Variants in ATP8A1 observed in about 807,000 individuals in gnomAD.
The protein encoded by ATP8A1 is phospholipid-transporting ATPase IA.
In ATP8A1, 90 loss-of-function variants were observed where a neutral mutation model predicts 177.7. That is an observed-to-expected ratio of 0.51 (90% CI 0.43 to 0.60). ATP8A1 has a LOEUF of 0.60. Ranked by LOEUF, ATP8A1 falls within the 20% of genes least tolerant of loss-of-function variation. The pLI is 0.00. For missense variants in ATP8A1, 1,072 were observed against 1,392.8 expected (o/e 0.77, Z 3.67); for synonymous variants, 493 against 485.9 (o/e 1.01, Z -0.19).
intron 4 of ATP8A1, among the ~76,000 whole-genome samples, chr4:42,622,624 GA>G (rs1168341079): frequency 1.3e-5 from 2 of 152,086 alleles, no homozygotes; most frequent in African/African-American, 2.4e-5. Context: ...CAGAATGGGG[GA>G]AAACACTTGC....
chr4:42,586,616 A>T, intron 8 of ATP8A1, 140 bp from the exon 9 acceptor site: 1 of 848,520 alleles, frequency 1.2e-6, no homozygotes, highest in South Asian at 1.9e-5. Flanking sequence ...TACTCTGTCA[A>T]ATCATAATTA....
chr4:42,522,241 C>T lies in ATP8A1; in HGVS notation c.1866G>A (p.Trp622Ter). Reference sequence around the variant, plus strand: ...TAGATGCTCGCTGATAGACTGCTCGCCACTCCTGAAAGTCGCTCTCTGAAA... The same window carrying T: ...TAGATGCTCGCTGATAGACTGCTCGTCACTCCTGAAAGTCGCTCTCTGAAA... ...AEISESDFQE[W>*]RAVYQRASTS... The change falls in exon 22 of 37, where the codon TGG becomes TGA. Residue 622 changes from tryptophan (W) to a stop codon, truncating the protein, a stop_gained. Coordinates refer to ENST00000381668, the MANE Select transcript of ATP8A1 (RefSeq NM_006095.2). LOFTEE classifies it high-confidence loss of function. 1 of 1,613,772 alleles carries T rather than the reference C, an allele frequency of 6.2e-7. No individual in the cohort carries two copies. Among genetic ancestry groups the T allele is most frequent in the Non-Finnish European group, 8.5e-7 (1 of 1,179,904 alleles).
At chr4:42,626,957 TGCTG>T (rs1446656424) in intron 2 of ATP8A1, 34 bp downstream of exon 2, 1 of 1,494,658 alleles carries the variant, frequency 6.7e-7, no homozygotes, top group African/African-American at 1.4e-5. Flanking sequence ...AGCTCTGCTC[TGCTG>T]GCTGGTCTCA....
intron 1 of ATP8A1, among the ~76,000 whole-genome samples, chr4:42,628,870 G>A (rs1254991300): frequency 6.6e-6 from 1 of 152,188 alleles, no homozygotes; most frequent in Non-Finnish European, 1.5e-5. Context: ...TTCTCAGGTT[G>A]TGTTGTATTT....
intron 29 of ATP8A1, among the ~76,000 whole-genome samples, chr4:42,454,650 A>G (rs1337618571): frequency 6.6e-6 from 1 of 152,158 alleles, no homozygotes; most frequent in Non-Finnish European, 1.5e-5. Context: ...AGTAAACTAT[A>G]TAGAAAATGA....
intron 5 of ATP8A1, among the ~76,000 whole-genome samples, chr4:42,606,769 T>C (rs1421601995): frequency 2.0e-5 from 3 of 152,214 alleles, no homozygotes; most frequent in African/African-American, 4.8e-5. Flanking sequence ...CAATGAAATA[T>C]ATTCACATGA....
intron 9 of ATP8A1, among the ~76,000 whole-genome samples, chr4:42,583,804 G>A (rs1389153862): frequency 6.6e-6 from 1 of 152,132 alleles, no homozygotes; most frequent in Non-Finnish European, 1.5e-5. Context: ...AATTCTCTTT[G>A]TACCTTGAAT....
rs1279886815 is a variant in ATP8A1 at position 42,462,158 on chromosome 4, A to G, written c.2619+2532T>C. ...CAATGCAATAGAAAAGAAAAATCTC[A>G]TTTTCTGAGGAGAAATGGAAGCAGG... On this transcript the variant is annotated intron_variant, in intron 27 of 36. Coordinates refer to ENST00000381668, the MANE Select transcript of ATP8A1 (RefSeq NM_006095.2). Among the ~76,000 whole-genome samples the G allele has an allele frequency of 4.6e-5, 7 of 152,204 alleles. No homozygotes were observed. In the East Asian group the frequency reaches 1.3e-3, roughly 29 times the overall value.
chr4:42,585,264 G>T (rs1404797268), intron 9 of ATP8A1, among the ~76,000 whole-genome samples: 1 of 151,802 alleles, frequency 6.6e-6, no homozygotes, highest in African/African-American at 2.4e-5. Flanking sequence ...TGTGCTATTT[G>T]TTTTCCCAAA....
intron 15 of ATP8A1, among the ~76,000 whole-genome samples, chr4:42,558,835 T>C (rs1218967621): frequency 1.3e-5 from 2 of 152,172 alleles, no homozygotes; most frequent in Non-Finnish European, 2.9e-5. Context: ...GAAAACATAA[T>C]ATATAAATCT....
chr4:42,635,780 C>CATAT (rs1317800276), intron 1 of ATP8A1, among the ~76,000 whole-genome samples: 922 of 43,290 alleles, frequency 0.021, 9 homozygotes, highest in East Asian at 0.057. Flanking sequence ...CACACACACA[C>CATAT]ACATATATAT....
chr4:42,456,333 A>G (rs1156309420), intron 27 of ATP8A1, among the ~76,000 whole-genome samples: 3 of 152,142 alleles, frequency 2.0e-5, no homozygotes, highest in Admixed American at 6.6e-5. Flanking sequence ...TTAAGGTGGA[A>G]TAGGTCAAAG....
intron 19 of ATP8A1, 88 bp from the exon 20 acceptor site, chr4:42,544,074 C>T (rs773196881): frequency 9.2e-5 from 101 of 1,097,498 alleles, no homozygotes; most frequent in African/African-American, 1.3e-4. Context: ...TTGATATTCA[C>T]AGTAAAAAAA....
At chr4:42,516,428 A>G (rs1296486845) in intron 22 of ATP8A1, among the ~76,000 whole-genome samples, 1 of 152,212 alleles carries the variant, frequency 6.6e-6, no homozygotes, top group Admixed American at 6.5e-5. Flanking sequence ...TCCACGCATC[A>G]TAATAAGAGA....
intron 33 of ATP8A1, among the ~76,000 whole-genome samples, chr4:42,431,692 T>C (rs2153170805): frequency 6.6e-6 from 1 of 152,326 alleles, no homozygotes; most frequent in South Asian, 2.1e-4. Flanking sequence ...TTTCTGGCTC[T>C]GACCCCTCTG....
chr4:42,424,532 G>A (rs1714362669), intron 33 of ATP8A1, among the ~76,000 whole-genome samples: 1 of 152,066 alleles, frequency 6.6e-6, no homozygotes, highest in Non-Finnish European at 1.5e-5. Flanking sequence ...TGCACATTTA[G>A]ATTCTACTAA....
intron 14 of ATP8A1, among the ~76,000 whole-genome samples, chr4:42,570,418 A>G (rs1260598914): frequency 6.6e-6 from 1 of 152,236 alleles, no homozygotes; most frequent in African/African-American, 2.4e-5. Context: ...ATCAGCCTCA[A>G]GGCTTGGACC....
At chr4:42,653,941 C>T (rs1363660324) in intron 1 of ATP8A1, among the ~76,000 whole-genome samples, 1 of 152,232 alleles carries the variant, frequency 6.6e-6, no homozygotes, top group African/African-American at 2.4e-5. Flanking sequence ...CTTCAACACT[C>T]TCCTAACTAC....
intron 25 of ATP8A1, chr4:42,472,099 A>G (rs1720487307): frequency 1.4e-6 from 1 of 704,356 alleles, no homozygotes; most frequent in Non-Finnish European, 2.7e-6. Flanking sequence ...TTTATTGCTC[A>G]GAGGAGAATT....
Sources: allele counts gnomAD v4.1 joint callset (sites outside exome capture counted in the v4.1 genomes callset), GRCh38; gene constraint gnomAD v4.1.1; transcripts MANE v1.5; gene names NCBI Gene and HGNC (gene_info 2026-07-23, HGNC 2026-07-21).